MACF1: variants seen among roughly 807,000 people sequenced by gnomAD.
MACF1 encodes microtubule actin crosslinking factor 1.
Under a neutral mutation model 854.8 loss-of-function variants are expected in MACF1, and 193 were observed. The ratio of observed to expected loss-of-function variants is 0.23; its 90% CI spans 0.20 to 0.25. MACF1 has a LOEUF of 0.25. Ranked by LOEUF, MACF1 falls within the 10% of genes least tolerant of loss-of-function variation. The pLI is 1.00. For synonymous variants in MACF1, 3,185 were observed against 3,226.7 expected (o/e 0.99, Z 0.44); for missense variants, 7,722 against 8,929.1 (o/e 0.86, Z 5.45).
intron 74 of MACF1, 115 bp downstream of exon 74, chr1:39,441,440 A>G (rs568846190): frequency 3.8e-6 from 3 of 781,652 alleles, no homozygotes; most frequent in Admixed American, 2.7e-5. Context: ...CAGACCTAAG[A>G]TAGTGGTGTT....
intron 2 of MACF1, among the ~76,000 whole-genome samples, chr1:39,141,850 T>C (rs1643352944): frequency 6.6e-6 from 1 of 152,210 alleles, no homozygotes; most frequent in Non-Finnish European, 1.5e-5. Flanking sequence ...TACATGAAAC[T>C]AGAAGATAAT....
At chr1:39,200,090 C>G (rs1461097653), upstream of MACF1, among the ~76,000 whole-genome samples, 3 of 152,214 alleles carry the variant, frequency 2.0e-5, no homozygotes, top group Non-Finnish European at 4.4e-5. Context: ...ACCATGCCAT[C>G]AAAACTGCAC....
chr1:39,333,916 A>G lies in MACF1; in HGVS notation c.7328A>G (p.Glu2443Gly). The G allele has an allele frequency of 6.2e-7, 1 of 1,614,196 alleles. No homozygotes were observed. Among genetic ancestry groups the G allele is most frequent in the Non-Finnish European group, 8.5e-7 (1 of 1,180,034 alleles). Residue 2443 changes from glutamate to glycine, a missense_variant, in exon 37 of 101, where the codon GAG (glutamate) becomes GGG (glycine). Glu to Gly is a moderately conservative substitution (Grantham distance 98, BLOSUM62 -2). Transcript: ENST00000564288. ...GACCAGCCAGAACTTATAAATCTGG[A>G]GAAAGCTTCCAAAGGTAGAGATGCT... ...VADQPELINL[E>G]KASKGRDAEK...
chr1:39,301,965 C>T (rs532655719), intron 22 of MACF1, among the ~76,000 whole-genome samples: 1 of 149,158 alleles, frequency 6.7e-6, no homozygotes, highest in South Asian at 2.1e-4. Context: ...CTATGCTTGT[C>T]TGCTTACCAC....
At chr1:39,203,920 T>C (rs1383624702), upstream of MACF1, among the ~76,000 whole-genome samples, 1 of 152,164 alleles carries the variant, frequency 6.6e-6, no homozygotes, top group Non-Finnish European at 1.5e-5. Context: ...ATACAGGTCT[T>C]TGTGTGGATA....
chr1:39,230,101 A>G (rs1470517493), intron 1 of MACF1, among the ~76,000 whole-genome samples: 1 of 152,138 alleles, frequency 6.6e-6, no homozygotes, highest in African/African-American at 2.4e-5. Flanking sequence ...TAAAATAAGA[A>G]TGGAGTGATT....
At chr1:39,320,111 T>A (rs1374284187) in intron 31 of MACF1, among the ~76,000 whole-genome samples, 1 of 151,952 alleles carries the variant, frequency 6.6e-6, no homozygotes, top group African/African-American at 2.4e-5. Flanking sequence ...AACCCAGGAG[T>A]CATCCTAAAC....
intron 2 of MACF1, among the ~76,000 whole-genome samples, chr1:39,235,040 G>A (rs1387060395): frequency 1.3e-5 from 2 of 151,340 alleles, no homozygotes; most frequent in African/African-American, 4.9e-5. Flanking sequence ...CCAGGCAGAG[G>A]GGCTCCTCAC....
intron 49 of MACF1, 116 bp from the exon 50 acceptor site, chr1:39,368,032 T>G: frequency 1.5e-6 from 1 of 677,894 alleles, no homozygotes; most frequent in Non-Finnish European, 2.4e-6. Flanking sequence ...CTGAGTTGCA[T>G]ATTTATTGTT....
intron 2 of MACF1, among the ~76,000 whole-genome samples, chr1:39,186,711 G>C (rs974009548): frequency 3.9e-5 from 6 of 152,120 alleles, no homozygotes; most frequent in African/African-American, 1.4e-4. Context: ...GGGCTCAAGG[G>C]ATCTTCCCAC....
chr1:39,122,172 T>C (rs1291743235), intron 2 of MACF1, among the ~76,000 whole-genome samples: 2 of 152,118 alleles, frequency 1.3e-5, no homozygotes, highest in African/African-American at 4.8e-5. Flanking sequence ...ACTTTCTTTT[T>C]AACCAGGGAT....
intron 20 of MACF1, among the ~76,000 whole-genome samples, chr1:39,296,597 G>A (rs1196848837): frequency 6.6e-6 from 1 of 151,624 alleles, no homozygotes; most frequent in African/African-American, 2.4e-5. Flanking sequence ...GGGTGTGGTA[G>A]CACACACCTG....
intron 95 of MACF1, 81 bp downstream of exon 95, chr1:39,465,193 G>A (rs749347766): frequency 1.2e-5 from 17 of 1,411,122 alleles, no homozygotes; most frequent in Non-Finnish European, 1.6e-5. Context: ...GCTATGGGGA[G>A]AGGATGTAAT....
intron 40 of MACF1, among the ~76,000 whole-genome samples, chr1:39,341,977 A>G (rs1459549515): frequency 1.3e-5 from 2 of 152,028 alleles, no homozygotes; most frequent in Non-Finnish European, 2.9e-5. Flanking sequence ...AGGGTTTGAT[A>G]TACAGATAAT....
At position 39,340,961 on chromosome 1, in the gene MACF1, C is replaced by G; in HGVS notation, c.10581+8C>G. On this transcript the variant is annotated splice_region_variant and intron_variant, in intron 40 of 100. Coordinates refer to ENST00000564288, the MANE Select transcript of MACF1 (RefSeq NM_001394062.1). The stretch of plus-strand genomic sequence containing the variant: ...TGCCTCCAACAGTATGAGGTAAACT[C>G]AAGCACATTTTCTTTGTCCTTTGAG... 1 of 1,588,524 alleles carries G rather than the reference C, an allele frequency of 6.3e-7. No individual in the cohort carries two copies. The highest frequency in any genetic ancestry group is 1.4e-5 in the African/African-American group (1 of 73,674).
intron 94 of MACF1, chr1:39,464,284 A>G (rs1211183074): frequency 1.3e-5 from 2 of 152,774 alleles, no homozygotes; most frequent in African/African-American, 4.8e-5. Context: ...ATATATCAAC[A>G]GCTCGTCAAG....
chr1:39,396,804 A>G (rs993713690), intron 58 of MACF1, among the ~76,000 whole-genome samples: 8 of 152,214 alleles, frequency 5.3e-5, no homozygotes, highest in South Asian at 4.1e-4. Context: ...GCACCAAACC[A>G]TCACTGTAAA....
In MACF1 at chr1:39,387,875, G is replaced by A; in HGVS notation, c.15033G>A (p.Arg5011=). 1 of 1,614,048 alleles carries A rather than the reference G, an allele frequency of 6.2e-7. No homozygotes were observed. Among genetic ancestry groups the A allele is most frequent in the Non-Finnish European group, 8.5e-7 (1 of 1,180,012 alleles). ...KTGSLEEMTQ[R]LREFQESFKN... is the part of the protein sequence containing the mutation. ...GGTCACTCGAAGAAATGACTCAGAG[G>A]CTCAGGGAGTTCCAGGAAAGCTTTA... Residue 5011 remains arginine, a synonymous_variant, in exon 58 of 101, where the codon AGG becomes AGA. Transcript: ENST00000564288.
intron 58 of MACF1, among the ~76,000 whole-genome samples, chr1:39,403,424 T>C (rs1642561323): frequency 6.6e-6 from 1 of 152,120 alleles, no homozygotes; most frequent in East Asian, 1.9e-4. Flanking sequence ...ATCCCAGCAT[T>C]GAATCTTTTG....
Sources: gnomAD v4.1 joint callset for allele counts (sites outside exome capture counted in the v4.1 genomes callset) on GRCh38, gnomAD v4.1.1 for gene constraint, MANE v1.5 for transcripts, NCBI Gene and HGNC (gene_info 2026-07-23, HGNC 2026-07-21) for gene names.